Variants in USP25 observed in about 807,000 individuals in gnomAD.
USP25 encodes ubiquitin carboxyl-terminal hydrolase 25.
In USP25, 85 loss-of-function variants were observed where a neutral mutation model predicts 158.5. That is an observed-to-expected ratio of 0.54 (90% CI 0.45 to 0.64). The LOEUF is 0.64. USP25 is among the 30% of genes least tolerant of loss of function. USP25 has a pLI of 0.00. For missense variants in USP25, 1,242 were observed against 1,327.3 expected, an observed-to-expected ratio of 0.94 and a Z score of 1.00; for synonymous variants, 464 against 460.4, an observed-to-expected ratio of 1.01 and a Z score of -0.10.
chr21:15,864,890 C>A (rs935361695), intron 21 of USP25, among the ~76,000 whole-genome samples: 1 of 152,104 alleles, frequency 6.6e-6, no homozygotes, highest in East Asian at 1.9e-4. Context: ...TGCCAAATAA[C>A]TCCTAGGGGA....
At position 15,739,321 on chromosome 21, in the gene USP25, TGTTA is replaced by T. The variant is rs573973495; in HGVS notation, c.45+8887_45+8890del. 5.6e-4 allele frequency among the ~76,000 whole-genome samples: 86 copies of T among 152,354 alleles called. 1 individual carries two copies. The highest frequency in any genetic ancestry group is 1.9e-3 in the African/African-American group (77 of 41,582). ...CATGCATTTCTGAAATATTTACATG[TGTTA>T]GTTGTGCAGATTTACAAAGTAGGTT... On this transcript the variant is annotated intron_variant, in intron 1 of 25. Coordinates refer to ENST00000400183, the MANE Select transcript of USP25 (RefSeq NM_001283041.3).
chr21:15,800,469 C>A (rs2036076340), intron 6 of USP25, among the ~76,000 whole-genome samples: 1 of 149,372 alleles, frequency 6.7e-6, no homozygotes, highest in African/African-American at 2.5e-5. Context: ...ATGTAAGGGG[C>A]TTAAAAGTGC....
Position 15,879,506 on chromosome 21 carries a change from CTGCCTTTATTCCTTTTCAA to C in USP25, c.*1032_*1050del, listed in dbSNP as rs2040216077. 6.6e-6 allele frequency: 1 copy of C among 152,422 alleles called. No individual in the cohort carries two copies. The highest frequency in any genetic ancestry group is 6.6e-5 in the Admixed American group (1 of 15,252). 9.4% of individuals were successfully genotyped at this position (152,422 alleles called of 1,614,324 possible). On this transcript the variant is annotated 3_prime_UTR_variant, in exon 26 of 26. Transcript: ENST00000400183. ...TAACTAGAAGTTATGAGTATCTTAA[CTGCCTTTATTCCTTTTCAA>C]AAAGGAAAAAGCTGTAGAACATTTT...
At chr21:15,770,243 A>G (rs1398756844) in intron 3 of USP25, among the ~76,000 whole-genome samples, 3 of 152,142 alleles carry the variant, frequency 2.0e-5, no homozygotes, top group Non-Finnish European at 4.4e-5. Flanking sequence ...TCTAATATGT[A>G]AAACGATTTT....
chr21:15,829,881 T>A (rs930191269), intron 14 of USP25, among the ~76,000 whole-genome samples: 3 of 152,164 alleles, frequency 2.0e-5, no homozygotes, highest in African/African-American at 7.2e-5. Context: ...ACTCTAAAGT[T>A]AGCCAGTTTC....
intron 17 of USP25, among the ~76,000 whole-genome samples, chr21:15,840,915 G>GC (rs1267779257): frequency 2.0e-5 from 3 of 152,154 alleles, no homozygotes; most frequent in African/African-American, 7.2e-5. Flanking sequence ...TTCTCTCCCA[G>GC]CCCTAAAGCA....
intron 20 of USP25, among the ~76,000 whole-genome samples, chr21:15,851,004 T>C (rs1213736383): frequency 1.3e-5 from 2 of 152,056 alleles, no homozygotes; most frequent in Admixed American, 1.3e-4. Context: ...GTATTTTTTA[T>C]AGTTTTCTGT....
At chr21:15,874,624 G>C in intron 24 of USP25, 98 bp downstream of exon 24, 1 of 1,249,230 alleles carries the variant, frequency 8.0e-7, no homozygotes, top group Non-Finnish European at 1.1e-6. Flanking sequence ...AAACTCTGAG[G>C]GGATAAGAAC....
chr21:15,804,672 G>A (rs1372718711), intron 6 of USP25, among the ~76,000 whole-genome samples: 1 of 152,004 alleles, frequency 6.6e-6, no homozygotes, highest in Non-Finnish European at 1.5e-5. Flanking sequence ...GCTTCATGGA[G>A]GAGTGGAGAT....
rs1450661775 is a variant in USP25 at position 15,879,689 on chromosome 21, A to G, written c.*1214A>G. ...TCTTTATAAATGATGTTTTGTGAACATAGTAAAATAGACCATTATACTATG... is the reference window on the plus strand; with the variant it reads ...TCTTTATAAATGATGTTTTGTGAACGTAGTAAAATAGACCATTATACTATG... On this transcript the variant is annotated 3_prime_UTR_variant, in exon 26 of 26. Coordinates refer to ENST00000400183, the MANE Select transcript of USP25 (RefSeq NM_001283041.3). 1 of 152,624 alleles carries G rather than the reference A, an allele frequency of 6.6e-6. No individual in the cohort carries two copies. The highest frequency in any genetic ancestry group is 2.4e-5 in the African/African-American group (1 of 41,470). The allele number at this position is 152,624 out of a possible 1,614,324, so 9.5% of individuals were successfully genotyped here.
At chr21:15,798,179 C>G (rs192213864) in intron 5 of USP25, among the ~76,000 whole-genome samples, 1 of 151,280 alleles carries the variant, frequency 6.6e-6, no homozygotes, top group Admixed American at 6.6e-5. Flanking sequence ...ATTTCTCTGT[C>G]CTTAATTTAT....
chr21:15,758,111 C>T (rs2033501481), intron 1 of USP25, among the ~76,000 whole-genome samples: 1 of 152,152 alleles, frequency 6.6e-6, no homozygotes, highest in African/African-American at 2.4e-5. Flanking sequence ...AGACCTTAAC[C>T]CAGACCCTCT....
At chr21:15,790,086 C>G (rs2035510518) in intron 4 of USP25, among the ~76,000 whole-genome samples, 1 of 151,960 alleles carries the variant, frequency 6.6e-6, no homozygotes, top group South Asian at 2.1e-4. Context: ...TTCTTGAAAA[C>G]TTGCTTTCTG....
At position 15,827,148 on chromosome 21, in the gene USP25, T is replaced by A. The variant is rs746029823; in HGVS notation, c.1638T>A (p.Ser546=). 1.2e-6 allele frequency: 2 copies of A among 1,614,094 alleles called. No homozygotes were observed. Among genetic ancestry groups the A allele is most frequent in the East Asian group, 4.5e-5 (2 of 44,896 alleles). The change falls in exon 14 of 26, where the codon TCT becomes TCA. Residue 546 remains serine (S), a synonymous_variant. Coordinates refer to ENST00000400183, the MANE Select transcript of USP25 (RefSeq NM_001283041.3). ...GGCACATAACGGAGGAAGAACTTTC[T>A]GTGCTGGAAAGTTGTTTACATCGCT... ...APRHITEEEL[S]VLESCLHRWR...
intron 1 of USP25, among the ~76,000 whole-genome samples, chr21:15,739,030 C>G (rs1427638381): frequency 3.3e-5 from 5 of 152,124 alleles, no homozygotes; most frequent in Non-Finnish European, 7.4e-5. Flanking sequence ...CCCGGGAGCT[C>G]GGCTCTTGAG....
rs1884715781 is a variant in USP25, at chr21:15,816,440, C to T, written c.932-2258C>T. ...GCTGATGACTCTTAACCTCTTCTTC[C>T]TCCTTTTTCCTATTCTTTCCTTAAA... On this transcript the variant is annotated intron_variant, in intron 9 of 25. Coordinates refer to ENST00000400183, the MANE Select transcript of USP25 (RefSeq NM_001283041.3). This position sits in a 1 kb window ranked among gnomAD's most constrained non-coding sequence, Gnocchi z 4.0. Among the ~76,000 whole-genome samples the T allele has an allele frequency of 6.6e-6, 1 of 152,176 alleles. No individual in the cohort carries two copies. The highest frequency in any genetic ancestry group is 2.1e-4 in the South Asian group (1 of 4,826).
chr21:15,811,047 T>G (rs2036633683), intron 8 of USP25, 90 bp from the exon 9 acceptor site: 1 of 1,158,548 alleles, frequency 8.6e-7, no homozygotes, highest in Admixed American at 2.3e-5. Flanking sequence ...TAAGTGTTTT[T>G]GTCTTGTCAT....
intron 17 of USP25, among the ~76,000 whole-genome samples, chr21:15,839,651 C>T (rs559572018): frequency 1.9e-4 from 29 of 152,024 alleles, no homozygotes; most frequent in South Asian, 1.0e-3. Context: ...CATTTTTATT[C>T]TTTGGTTTGA....
rs774283912 is a variant in USP25 at position 15,878,418 on chromosome 21, T to C, written c.3321T>C (p.Cys1107=). 2 of 1,613,972 alleles carry C rather than the reference T, an allele frequency of 1.2e-6. No homozygotes were observed. The highest frequency in any genetic ancestry group is 4.5e-5 in the East Asian group (2 of 44,890). The change falls in exon 26 of 26, where the codon TGT becomes TGC. Residue 1107 remains cysteine (C), a synonymous_variant. Transcript: ENST00000400183. ...CTTCATATTCCACGCATGAACTCTG[T>C]GAGCGATTTGCCCGAATCATGTTGT... The part of the protein sequence containing the change: ...KLPSYSTHEL[C]ERFARIMLSL...
Sources: allele counts gnomAD v4.1 joint callset (sites outside exome capture counted in the v4.1 genomes callset), GRCh38; gene constraint gnomAD v4.1.1; non-coding constraint Gnocchi (gnomAD v3.1); transcripts MANE v1.5; gene names NCBI Gene and HGNC (gene_info 2026-07-23, HGNC 2026-07-21).